NLRP13: variants seen among roughly 807,000 people sequenced by gnomAD.
The protein encoded by NLRP13 is NACHT, LRR and PYD domains-containing protein 13.
NLRP13 carries 82 observed loss-of-function variants against 94.4 expected under a neutral mutation model. The ratio of observed to expected loss-of-function variants is 0.87; its 90% CI spans 0.73 to 1.04. The LOEUF (loss-of-function observed/expected upper bound fraction) is 1.04, where lower values mean the gene tolerates loss of function less well. NLRP13 is among the 50% of genes least tolerant of loss of function. The probability of loss-of-function intolerance (pLI) is 0.00; values close to 1 mark genes in which losing one functional copy is unlikely to be tolerated. For missense variants in NLRP13, 1,426 were observed against 1,230.8 expected (o/e 1.16, Z -2.37); for synonymous variants, 553 against 464.7 (o/e 1.19, Z -2.45).
intron 10 of NLRP13, among the ~76,000 whole-genome samples, chr19:55,897,614 T>C (rs1054879664): frequency 6.6e-6 from 1 of 152,230 alleles, no homozygotes; most frequent in African/African-American, 2.4e-5. Flanking sequence ...TTTTTGAAGA[T>C]AAACTTGATT....
At chr19:55,930,898 A>ATACACGTATATATATACATATATATAT in intron 1 of NLRP13, among the ~76,000 whole-genome samples, 2 of 104,890 alleles carry the variant, frequency 1.9e-5, no homozygotes, top group African/African-American at 7.7e-5. Context: ...ATATATATAT[A>ATACACGTATATATATACATATATATAT]AAATTTTAAC....
Position 55,932,076 on chromosome 19 carries a change from C to A in NLRP13, c.236G>T (p.Gly79Val), listed in dbSNP as rs763183429. Residue 79 changes from glycine (G) to valine (V), a missense_variant, in exon 1 of 11, where the codon GGT becomes GTT. Coordinates refer to ENST00000342929, the MANE Select transcript of NLRP13 (RefSeq NM_176810.2). ...GCCGAGGACCACTTTCCATGCCTGA[C>A]CTTTTGGGAAGTGTTCATCCAAAAG... ...SFLLDEHFPK[G>V]QAWKVVLGIF... The A allele has an allele frequency of 1.3e-4, 216 of 1,614,128 alleles. No homozygotes were observed. The South Asian group carries it at 1.3e-3, about 10-fold the overall frequency.
At chr19:55,927,521 T>TTCAGG (rs1188575456) in intron 1 of NLRP13, among the ~76,000 whole-genome samples, 7 of 151,756 alleles carry the variant, frequency 4.6e-5, no homozygotes, top group African/African-American at 1.7e-4. Flanking sequence ...TGAAATAGAT[T>TTCAGG]CTTCCACTGC....
At chr19:55,925,629 C>T (rs936515727) in intron 1 of NLRP13, among the ~76,000 whole-genome samples, 1 of 152,186 alleles carries the variant, frequency 6.6e-6, no homozygotes, top group East Asian at 1.9e-4. Context: ...CAATTTGCTG[C>T]ACATCACCAC....
At chr19:55,930,289 T>C (rs922001449) in intron 1 of NLRP13, among the ~76,000 whole-genome samples, 4 of 152,224 alleles carry the variant, frequency 2.6e-5, no homozygotes, top group Non-Finnish European at 5.9e-5. Context: ...ACTTAAGCTG[T>C]CTGTGCCTCA....
chr19:55,905,436 T>A (rs143539016), intron 7 of NLRP13, among the ~76,000 whole-genome samples: 1 of 150,060 alleles, frequency 6.7e-6, no homozygotes, highest in African/African-American at 2.4e-5. Flanking sequence ...TACACACACA[T>A]ATATATGTAT....
rs778340385 is a variant in NLRP13 at position 55,932,308 on chromosome 19, T to G, written c.4A>C (p.Asn2His). Reference protein sequence around the residue: MNFSVITCPNGG... With the variant: MHFSVITCPNGG... The stretch of plus-strand genomic sequence containing the variant: ...TTGGGGCAGGTGATTACAGAAAAGT[T>G]CATCTTGCCCAACACATGCAGTTTC... The change falls in exon 1 of 11, where the codon AAC becomes CAC. Residue 2 changes from asparagine (N) to histidine (H), a missense_variant. Asn to His is a moderately conservative substitution (Grantham distance 68). Coordinates refer to ENST00000342929, the MANE Select transcript of NLRP13 (RefSeq NM_176810.2). The G allele has an allele frequency of 1.6e-5, 25 of 1,602,504 alleles. No homozygotes were observed. Among genetic ancestry groups the G allele is most frequent in the Non-Finnish European group, 2.0e-5 (24 of 1,177,278 alleles).
downstream of NLRP13, chr19:55,891,765 A>T (rs902591466): frequency 1.4e-5 from 4 of 287,580 alleles, no homozygotes; most frequent in South Asian, 1.6e-4. Flanking sequence ...AGGAGGACAT[A>T]GACAAGACTG....
rs111408461 is a variant in NLRP13 at position 55,929,374 on chromosome 19, C to T, written c.319+2619G>A. Among the ~76,000 whole-genome samples the T allele has an allele frequency of 1.9e-3, 293 of 152,220 alleles. 1 individual carries two copies. Among genetic ancestry groups the T allele is most frequent in the African/African-American group, 6.7e-3 (277 of 41,538 alleles). ...ACAATAGCAAAGACTTGGAACCAACCGAAATGCCCATCAATGATAGATTGG... is the reference window on the plus strand; with the variant it reads ...ACAATAGCAAAGACTTGGAACCAACTGAAATGCCCATCAATGATAGATTGG... On this transcript the variant is annotated intron_variant, in intron 1 of 10. Coordinates refer to ENST00000342929, the MANE Select transcript of NLRP13 (RefSeq NM_176810.2).
chr19:55,926,669 T>C (rs1181238524), intron 1 of NLRP13, among the ~76,000 whole-genome samples: 2 of 152,152 alleles, frequency 1.3e-5, no homozygotes, highest in Admixed American at 1.3e-4. Context: ...TAAGTCAATG[T>C]GGTCCCTGTT....
At chr19:55,897,947 C>T (rs1360212172) in intron 10 of NLRP13, among the ~76,000 whole-genome samples, 2 of 152,046 alleles carry the variant, frequency 1.3e-5, no homozygotes, top group African/African-American at 4.8e-5. Flanking sequence ...CCACATTTAG[C>T]AAAAAATCCT....
intron 9 of NLRP13, among the ~76,000 whole-genome samples, chr19:55,900,553 C>CCT (rs1986137488): frequency 6.6e-6 from 1 of 151,170 alleles, no homozygotes; most frequent in Non-Finnish European, 1.5e-5. Flanking sequence ...GGGTGGATCA[C>CCT]GAGGTCAGGA....
chr19:55,898,405 T>TCCCC (rs1986074751), intron 10 of NLRP13, among the ~76,000 whole-genome samples: 1 of 152,140 alleles, frequency 6.6e-6, no homozygotes, highest in South Asian at 2.1e-4. Context: ...AGATGGGGTT[T>TCCCC]CCCCATGTTG....
intron 4 of NLRP13, among the ~76,000 whole-genome samples, chr19:55,914,373 G>T (rs1044378019): frequency 6.6e-6 from 1 of 152,164 alleles, no homozygotes; most frequent in Non-Finnish European, 1.5e-5. Flanking sequence ...ATGAGATGCC[G>T]TAATTTATAT....
intron 7 of NLRP13, among the ~76,000 whole-genome samples, chr19:55,906,384 A>C (rs925335324): frequency 4.0e-5 from 6 of 150,788 alleles, no homozygotes; most frequent in East Asian, 1.9e-4. Flanking sequence ...GACAGAAAGA[A>C]AGACAGAAAG....
chr19:55,904,769 A>G (rs1433150834), intron 8 of NLRP13, among the ~76,000 whole-genome samples, 173 bp downstream of exon 8: 2 of 152,192 alleles, frequency 1.3e-5, no homozygotes, highest in Non-Finnish European at 2.9e-5. Context: ...AGACGGGATC[A>G]ACAAATCCAG....
chr19:55,898,846 C>G lies in NLRP13; in HGVS notation c.2881G>C (p.Glu961Gln). Residue 961 changes from glutamate (E) to glutamine (Q), a missense_variant, in exon 10 of 11, where the codon GAA becomes CAA. Physicochemically the swap from Glu to Gln is conservative, Grantham distance 29. Transcript: ENST00000342929. Reference sequence around the variant, plus strand: ...ACTCCATCATCCTGAAGATCATTTTCTCCCAAATCCAAGATTTTCACATTA... The same window carrying G: ...ACTCCATCATCCTGAAGATCATTTTGTCCCAAATCCAAGATTTTCACATTA... The part of the protein sequence containing the change: ...NHNVKILDLG[E>Q]NDLQDDGVKL... 2 of 1,614,118 alleles carry G rather than the reference C, an allele frequency of 1.2e-6. No homozygotes were observed. Among genetic ancestry groups the G allele is most frequent in the Non-Finnish European group, 1.7e-6 (2 of 1,179,978 alleles).
downstream of NLRP13, chr19:55,895,944 T>C: frequency 1.2e-6 from 2 of 1,613,540 alleles, no homozygotes; most frequent in Middle Eastern, 1.7e-4. Flanking sequence ...GTCAGTGAGG[T>C]TTACCCGAGT....
intron 4 of NLRP13, among the ~76,000 whole-genome samples, chr19:55,913,875 G>C (rs961185784): frequency 1.2e-4 from 19 of 152,200 alleles, no homozygotes; most frequent in South Asian, 2.1e-4. Context: ...ACACCTTCTA[G>C]CCAGTAGAGG....
Sources: allele counts gnomAD v4.1 joint callset (sites outside exome capture counted in the v4.1 genomes callset), GRCh38; gene constraint gnomAD v4.1.1; transcripts MANE v1.5; gene names NCBI Gene and HGNC (gene_info 2026-07-23, HGNC 2026-07-21).